Variants in KLK6 observed in about 807,000 individuals in gnomAD.
KLK6 encodes kallikrein-6.
KLK6 carries 16 observed loss-of-function variants against 21.7 expected under a neutral mutation model. The observed-to-expected ratio is 0.74, with a 90% CI of 0.50 to 1.12. The LOEUF (loss-of-function observed/expected upper bound fraction) is 1.12, where lower values mean the gene tolerates loss of function less well. Ranked by LOEUF, KLK6 falls within the 50% of genes most tolerant of loss-of-function variation. The pLI, the probability that KLK6 is intolerant of heterozygous loss-of-function variation, is 0.00. For missense variants in KLK6, 276 were observed against 304.6 expected (o/e 0.91, Z 0.70); for synonymous variants, 116 against 120.1 (o/e 0.97, Z 0.22).
In KLK6 at chr19:50,969,585, C is replaced by T. The variant is rs1219915946; in HGVS notation, c.-155G>A. 2 of 152,386 alleles carry T rather than the reference C, an allele frequency of 1.3e-5. No individual in the cohort carries two copies. The highest frequency in any genetic ancestry group is 4.8e-5 in the African/African-American group (2 of 41,422). 9.4% of individuals were successfully genotyped at this position (152,386 alleles called of 1,614,324 possible). On this transcript the variant is annotated 5_prime_UTR_variant, in exon 1 of 7. It adds an upstream start codon to the 5' untranslated region. Coordinates refer to ENST00000310157, the MANE Select transcript of KLK6 (RefSeq NM_002774.4). ...GGGGAGACAGCTACAGCGTGTGTCACCACACTGGCCCCCGCCCCTGCCCCG... is the reference window on the plus strand; with the variant it reads ...GGGGAGACAGCTACAGCGTGTGTCATCACACTGGCCCCCGCCCCTGCCCCG...
intron 6 of KLK6, among the ~76,000 whole-genome samples, chr19:50,961,420 C>T (rs1040825255): frequency 2.0e-5 from 3 of 152,218 alleles, no homozygotes; most frequent in African/African-American, 7.2e-5. Flanking sequence ...GATCCTCCTG[C>T]TTCGGCCTCC....
At position 50,963,513 on chromosome 19, in the gene KLK6, C is replaced by T. The variant is rs779089182; in HGVS notation, c.234G>A (p.Arg78=). 9.3e-6 allele frequency: 15 copies of T among 1,614,116 alleles called. No homozygotes were observed. The highest frequency in any genetic ancestry group is 1.2e-5 in the Non-Finnish European group (14 of 1,180,026). The part of the protein sequence containing the change: ...LQVFLGKHNL[R]QRESSQEQSS... ...TCTGCTCCTGGGAACTCTCCCTTTG[C>T]CGAAGGTTATGCTTCCCCAGGAAGA... The change falls in exon 5 of 7, where the codon CGG becomes CGA. Residue 78 remains arginine, a synonymous_variant. Transcript: ENST00000310157.
chr19:50,963,427 A>T lies in KLK6; in HGVS notation c.320T>A (p.Ile107Asn). The T allele has an allele frequency of 6.2e-7, 1 of 1,614,214 alleles. No individual in the cohort carries two copies. The highest frequency in any genetic ancestry group is 8.5e-7 in the Non-Finnish European group (1 of 1,180,040). Residue 107 changes from isoleucine to asparagine, a missense_variant, in exon 5 of 7, where the codon ATC becomes AAC. Transcript: ENST00000310157. ...DYDAASHDQD[I>N]MLLRLARPAK... ...TGGGCGTGCCAGGCGCAACAGCATG[A>T]TGTCCTGGTCATGGCTGGCGGCATC...
chr19:50,963,182 T>C (rs2123635519), intron 5 of KLK6, 120 bp downstream of exon 5: 7 of 1,377,890 alleles, frequency 5.1e-6, no homozygotes, highest in South Asian at 2.7e-5. Context: ...CCCTGTCCCA[T>C]TGGTCCTCAC....
intron 6 of KLK6, among the ~76,000 whole-genome samples, chr19:50,960,020 G>A (rs1408572502): frequency 9.7e-6 from 1 of 103,142 alleles, no homozygotes; most frequent in African/African-American, 4.0e-5. Flanking sequence ...AGGAGAAGGA[G>A]GAGGAGGAGG....
chr19:50,963,245 T>C, intron 5 of KLK6, 57 bp downstream of exon 5: 1 of 1,573,978 alleles, frequency 6.4e-7, no homozygotes, highest in Non-Finnish European at 8.6e-7. Context: ...CCCCATCCTT[T>C]GGCACACTTC....
rs749820115 is a variant in KLK6 at position 50,963,503 on chromosome 19, T to C, written c.244A>G (p.Ser82Gly). The C allele has an allele frequency of 6.2e-7, 1 of 1,613,940 alleles. No homozygotes were observed. Among genetic ancestry groups the C allele is most frequent in the Admixed American group, 1.7e-5 (1 of 59,984 alleles). The change falls in exon 5 of 7, where the codon AGT becomes GGT. Residue 82 changes from serine (S) to glycine (G), a missense_variant. By Grantham distance (56) the Ser-to-Gly change is moderately conservative (BLOSUM62 0). Transcript: ENST00000310157. ...ACAACAGAACTCTGCTCCTGGGAAC[T>C]CTCCCTTTGCCGAAGGTTATGCTTC... ...LGKHNLRQRE[S>G]SQEQSSVVRA...
intron 3 of KLK6, 101 bp from the exon 4 acceptor site, chr19:50,967,426 A>G: frequency 1.7e-6 from 2 of 1,147,850 alleles, no homozygotes; most frequent in African/African-American, 3.1e-5. Context: ...GCAGTGGCTT[A>G]TGCCTGTAAT....
intron 6 of KLK6, among the ~76,000 whole-genome samples, chr19:50,960,058 AG>A (rs1156287413): frequency 4.8e-5 from 3 of 63,156 alleles, no homozygotes; most frequent in South Asian, 9.0e-4. Flanking sequence ...GAGGGAGAGG[AG>A]GGGGGAGGAG....
rs2090955814 is a variant in KLK6 at position 50,968,088 on chromosome 19, A to C, written c.17T>G (p.Val6Gly). 2 of 1,613,514 alleles carry C rather than the reference A, an allele frequency of 1.2e-6. 1 individual carries two copies. Among genetic ancestry groups the C allele is most frequent in the African/African-American group, 2.7e-5 (2 of 74,766 alleles). Residue 6 changes from valine (V) to glycine (G), a missense_variant, in exon 3 of 7, where the codon GTG (valine) becomes GGG (glycine). Transcript: ENST00000310157. ...ACCTGCAGCAATCAGACTCAGCACCACCATCAGCTTCTTCATGGCCGCTCC... is the reference window on the plus strand; with the variant it reads ...ACCTGCAGCAATCAGACTCAGCACCCCCATCAGCTTCTTCATGGCCGCTCC... MKKLM[V>G]VLSLIAAAWA...
At chr19:50,966,432 A>G (rs1476482307) in intron 4 of KLK6, among the ~76,000 whole-genome samples, 1 of 152,200 alleles carries the variant, frequency 6.6e-6, no homozygotes. Context: ...TGAAAGCAAC[A>G]GCCCCCACGT....
intron 3 of KLK6, among the ~76,000 whole-genome samples, chr19:50,967,643 G>A (rs2090948684): frequency 6.6e-6 from 1 of 151,084 alleles, no homozygotes; most frequent in Non-Finnish European, 1.5e-5. Context: ...GTTCAAGTCT[G>A]CAGTGAACTA....
Position 50,963,440 on chromosome 19 carries a change from G to A in KLK6, c.307C>T (p.His103Tyr). ...CGCAACAGCATGATGTCCTGGTCATGGCTGGCGGCATCATAGTCAGGGTGG... is the reference window on the plus strand; with the variant it reads ...CGCAACAGCATGATGTCCTGGTCATAGCTGGCGGCATCATAGTCAGGGTGG... ...VIHPDYDAASHDQDIMLLRLA... is the reference protein window; with the variant it reads ...VIHPDYDAASYDQDIMLLRLA... Residue 103 changes from histidine (H) to tyrosine (Y), a missense_variant, in exon 5 of 7, where the codon CAT (histidine) becomes TAT (tyrosine). Physicochemically the swap from His to Tyr is moderately conservative, Grantham distance 83. Transcript: ENST00000310157. The A allele has an allele frequency of 6.2e-7, 1 of 1,614,210 alleles. No homozygotes were observed. The highest frequency in any genetic ancestry group is 8.5e-7 in the Non-Finnish European group (1 of 1,180,026).
rs771978228 is a variant in KLK6, at chr19:50,959,253, T to C, written c.646A>G (p.Ile216Val). The C allele has an allele frequency of 3.3e-5, 53 of 1,613,922 alleles. No individual in the cohort carries two copies. Among genetic ancestry groups the C allele is most frequent in the Admixed American group, 1.0e-4 (6 of 59,984 alleles). Reference protein sequence around the residue: ...HLRGLVSWGNIPCGSKEKPGV... With the variant: ...HLRGLVSWGNVPCGSKEKPGV... ...GGCTTCTCCTTTGATCCACAGGGGA[T>C]GTTACCCCATGACACAAGGCCTCGG... Residue 216 changes from isoleucine to valine, a missense_variant, in exon 7 of 7, where the codon ATC (isoleucine) becomes GTC (valine). Transcript: ENST00000310157.
chr19:50,967,511 C>CCACA (rs146062864), intron 3 of KLK6, among the ~76,000 whole-genome samples, 186 bp from the exon 4 acceptor site: 28,437 of 125,300 alleles, frequency 0.23, 3,633 homozygotes, highest in Middle Eastern at 0.31. Context: ...GACCTCATCT[C>CCACA]CACACACACA....
At chr19:50,960,161 C>T (rs370063145) in intron 6 of KLK6, among the ~76,000 whole-genome samples, 3 of 140,410 alleles carry the variant, frequency 2.1e-5, no homozygotes, top group Admixed American at 7.1e-5. Context: ...GAGGAGGAGA[C>T]GATAAGACCC....
rs867471040 is a variant in KLK6, at chr19:50,963,529, C to T, written c.218G>A (p.Gly73Glu). The T allele has an allele frequency of 6.2e-7, 1 of 1,614,068 alleles. No homozygotes were observed. The highest frequency in any genetic ancestry group is 8.5e-7 in the Non-Finnish European group (1 of 1,180,004). ...CTCCCTTTGCCGAAGGTTATGCTTC[C>T]CCAGGAAGACCTGAAGATTCCTGGG... ...CKKPNLQVFL[G>E]KHNLRQRESS... The change falls in exon 5 of 7, where the codon GGG becomes GAG. Residue 73 changes from glycine to glutamate, a missense_variant. By Grantham distance (98) the Gly-to-Glu change is moderately conservative (BLOSUM62 -2). Coordinates refer to ENST00000310157, the MANE Select transcript of KLK6 (RefSeq NM_002774.4).
At position 50,959,110 on chromosome 19, in the gene KLK6, T is replaced by C. The variant is rs2090762243; in HGVS notation, c.*54A>G. 2 of 1,606,384 alleles carry C rather than the reference T, an allele frequency of 1.2e-6. No individual in the cohort carries two copies. The highest frequency in any genetic ancestry group is 2.7e-5 in the African/African-American group (2 of 74,840). On this transcript the variant is annotated 3_prime_UTR_variant, in exon 7 of 7. Coordinates refer to ENST00000310157, the MANE Select transcript of KLK6 (RefSeq NM_002774.4). ...GAGGCAAGGTCTAGGTGAGAGACGT[T>C]CTGGAACCAGCCAGTGGGGTGGTAG... is the stretch of plus-strand genomic sequence containing the variant.
At position 50,958,666 on chromosome 19, in the gene KLK6, G is replaced by T; in HGVS notation, c.*498C>A. 1 of 154,494 alleles carries T rather than the reference G, an allele frequency of 6.5e-6. No homozygotes were observed. The highest frequency in any genetic ancestry group is 1.4e-5 in the Non-Finnish European group (1 of 69,584). 9.6% of individuals were successfully genotyped at this position (154,494 alleles called of 1,614,324 possible). ...ATTCATTCTTTATTGAGTGCATGGT[G>T]GCCCAGGTGCTATTCCATGTATGTC... On this transcript the variant is annotated 3_prime_UTR_variant, in exon 7 of 7. Transcript: ENST00000310157.
Sources: gnomAD v4.1 joint callset for allele counts (sites outside exome capture counted in the v4.1 genomes callset) on GRCh38, gnomAD v4.1.1 for gene constraint, MANE v1.5 for transcripts, NCBI Gene and HGNC (gene_info 2026-07-23, HGNC 2026-07-21) for gene names.